HMGB1: variants seen among roughly 807,000 people sequenced by gnomAD.
HMGB1 encodes high mobility group box 1.
For synonymous variants in HMGB1, 81 were observed against 84.0 expected (o/e 0.96, Z 0.19); for missense variants, 79 against 253.5 (o/e 0.31, Z 4.67).
intron 1 of HMGB1, chr13:30,464,235 G>A (rs996779865): frequency 2.0e-6 from 2 of 985,506 alleles, no homozygotes; most frequent in South Asian, 4.7e-5. Context: ...AGCCAGCTCC[G>A]GTGCTCGGAA....
intron 1 of HMGB1, among the ~76,000 whole-genome samples, chr13:30,489,238 G>A (rs1887431251): frequency 6.6e-6 from 1 of 152,158 alleles, no homozygotes. Context: ...GTACGTGCCT[G>A]TAGTCCCAGC....
rs145419176 is a variant in HMGB1 at position 30,488,168 on chromosome 13, A to G, written c.-14-24474T>C. ...GTTGTGTAATCTTTGAACCCATCCA[A>G]ATACACCAGGTGGTCATACAAACTT... On this transcript the variant is annotated intron_variant, in intron 1 of 4. Transcript: ENST00000405805. Among the ~76,000 whole-genome samples, 133 of 152,360 alleles carry G rather than the reference A, an allele frequency of 8.7e-4. 1 individual carries two copies. The highest frequency in any genetic ancestry group is 1.4e-3 in the Non-Finnish European group (96 of 68,040).
chr13:30,468,455 T>C (rs1886849492), upstream of HMGB1, among the ~76,000 whole-genome samples: 1 of 152,168 alleles, frequency 6.6e-6, no homozygotes, highest in Non-Finnish European at 1.5e-5. Context: ...GGTTTCACCA[T>C]GTTGGTCAGG....
intron 1 of HMGB1, among the ~76,000 whole-genome samples, chr13:30,507,215 A>G (rs1887889779): frequency 6.6e-6 from 1 of 151,922 alleles, no homozygotes; most frequent in African/African-American, 2.4e-5. Context: ...TGGAATTCCA[A>G]CTCCCAATCT....
chr13:30,512,265 A>C (rs935057728), intron 1 of HMGB1, among the ~76,000 whole-genome samples: 1 of 152,190 alleles, frequency 6.6e-6, no homozygotes, highest in African/African-American at 2.4e-5. Context: ...GAGTAATATC[A>C]GGGAAGTAGG....
chr13:30,457,904 T>C lies in HMGB1; in HGVS notation c.*3453A>G, dbSNP rs1886058270. ...AAATGAACCACCATCTTTTGCTGGA[T>C]AGACAATCAAATCACTTTCTGGCTT... is the stretch of plus-strand genomic sequence containing the variant. On this transcript the variant is annotated 3_prime_UTR_variant, in exon 5 of 5. Transcript: ENST00000341423. The C allele has an allele frequency of 6.6e-6, 1 of 152,234 alleles. No homozygotes were observed. The highest frequency in any genetic ancestry group is 6.5e-5 in the Admixed American group (1 of 15,288). 9.4% of individuals were successfully genotyped at this position (152,234 alleles called of 1,614,324 possible).
At chr13:30,475,974 A>G (rs1450167667) in intron 1 of HMGB1, among the ~76,000 whole-genome samples, 1 of 152,228 alleles carries the variant, frequency 6.6e-6, no homozygotes, top group African/African-American at 2.4e-5. Flanking sequence ...GTTGGGGCCT[A>G]AGCATTTCAT....
At chr13:30,463,970 G>C in intron 1 of HMGB1, 4 of 411,054 alleles carry the variant, frequency 9.7e-6, no homozygotes, top group Non-Finnish European at 1.4e-5. Flanking sequence ...CTATCCGCCC[G>C]AGTCTGCTCT....
rs1230388310 is a variant in HMGB1 at position 30,459,324 on chromosome 13, A to T, written c.*2033T>A. The T allele has an allele frequency of 6.6e-6, 1 of 152,154 alleles. No homozygotes were observed. Among genetic ancestry groups the T allele is most frequent in the Non-Finnish European group, 1.5e-5 (1 of 68,004 alleles). The allele number at this position is 152,154 out of a possible 1,614,324, so 9.4% of individuals were successfully genotyped here. The stretch of plus-strand genomic sequence containing the variant: ...AGATCTGTGGTCAAGAATAAACCCT[A>T]AAAAAACTGTTCCCATTCTCAACAT... On this transcript the variant is annotated 3_prime_UTR_variant, in exon 5 of 5. Coordinates refer to ENST00000341423, the MANE Select transcript of HMGB1 (RefSeq NM_002128.7).
At chr13:30,522,435 C>A (rs1455780298) in intron 1 of HMGB1, among the ~76,000 whole-genome samples, 2 of 151,986 alleles carry the variant, frequency 1.3e-5, no homozygotes, top group African/African-American at 4.8e-5. Flanking sequence ...GAGACCATTG[C>A]CTTTTTACCC....
chr13:30,477,027 T>C (rs980771474), intron 1 of HMGB1, among the ~76,000 whole-genome samples: 3 of 152,088 alleles, frequency 2.0e-5, no homozygotes, highest in Admixed American at 6.6e-5. Flanking sequence ...CAGTTCTGAG[T>C]CCAAAGCCTT....
chr13:30,602,292 A>T (rs932915595), intron 1 of HMGB1, among the ~76,000 whole-genome samples: 1 of 152,030 alleles, frequency 6.6e-6, no homozygotes, highest in African/African-American at 2.4e-5. Context: ...GCCCACTTAG[A>T]CCCTTCAACC....
intron 1 of HMGB1, among the ~76,000 whole-genome samples, chr13:30,591,140 C>T (rs1186327303): frequency 6.7e-6 from 1 of 149,544 alleles, no homozygotes; most frequent in Non-Finnish European, 1.5e-5. Context: ...AAGCAATTCT[C>T]CTGTCTCAGC....
chr13:30,597,888 T>C (rs1458408891), intron 1 of HMGB1, among the ~76,000 whole-genome samples: 2 of 152,208 alleles, frequency 1.3e-5, no homozygotes, highest in Non-Finnish European at 1.5e-5. Context: ...CCTGGGCTCC[T>C]TTTTCTTTCA....
intron 1 of HMGB1, among the ~76,000 whole-genome samples, chr13:30,553,453 C>T (rs1293821473): frequency 6.6e-6 from 1 of 152,224 alleles, no homozygotes; most frequent in Non-Finnish European, 1.5e-5. Flanking sequence ...CTCAGCCTCA[C>T]TCTCTTCACT....
chr13:30,563,167 G>C (rs8000336), intron 1 of HMGB1, among the ~76,000 whole-genome samples: 2,587 of 152,312 alleles, frequency 0.017, 63 homozygotes, highest in African/African-American at 0.058. Flanking sequence ...GCTCTGCTTC[G>C]AGGTCAAATC....
chr13:30,566,437 A>G (rs1870188903), intron 1 of HMGB1, among the ~76,000 whole-genome samples: 1 of 152,236 alleles, frequency 6.6e-6, no homozygotes, highest in Admixed American at 6.5e-5. Flanking sequence ...CAATACATAC[A>G]TGAATAGGTG....
At chr13:30,612,631 G>A (rs1422263189) in intron 1 of HMGB1, among the ~76,000 whole-genome samples, 2 of 152,086 alleles carry the variant, frequency 1.3e-5, no homozygotes, top group Non-Finnish European at 2.9e-5. Flanking sequence ...ATGAACTCTG[G>A]GGAAAGTAAG....
chr13:30,476,852 C>G (rs960745357), intron 1 of HMGB1, among the ~76,000 whole-genome samples: 4 of 134,070 alleles, frequency 3.0e-5, no homozygotes, highest in African/African-American at 1.1e-4. Context: ...GGCAAAAGAG[C>G]GAGATTCTGT....
Sources: allele counts gnomAD v4.1 joint callset (sites outside exome capture counted in the v4.1 genomes callset), GRCh38; gene constraint gnomAD v4.1.1; transcripts MANE v1.5; gene names NCBI Gene and HGNC (gene_info 2026-07-23, HGNC 2026-07-21).